Variants in TENM3 observed in about 807,000 individuals in gnomAD.
TENM3 encodes teneurin-3.
Under a neutral mutation model 255.1 loss-of-function variants are expected in TENM3, and 63 were observed. That is an observed-to-expected ratio of 0.25 (90% CI 0.20 to 0.30). The LOEUF (loss-of-function observed/expected upper bound fraction) is 0.30, where lower values mean the gene tolerates loss of function less well. TENM3 is among the 10% of genes least tolerant of loss of function. The pLI is 1.00. For missense variants in TENM3, 2,929 were observed against 3,461.1 expected (o/e 0.85, Z 3.86); for synonymous variants, 1,306 against 1,322.3 (o/e 0.99, Z 0.27).
chr4:182,654,808 G>C (rs1753617795), intron 6 of TENM3, among the ~76,000 whole-genome samples: 1 of 152,140 alleles, frequency 6.6e-6, no homozygotes, highest in South Asian at 2.1e-4. Flanking sequence ...ATATGTTGCT[G>C]TGTCACATGT....
the TENM3 span, among the ~76,000 whole-genome samples, chr4:181,628,088 T>C: frequency 6.6e-6 from 1 of 152,206 alleles, no homozygotes; most frequent in East Asian, 1.9e-4. Flanking sequence ...TGATGGCCAG[T>C]GATGATGAGC....
chr4:182,242,109 G>A (rs1457555521), upstream of TENM3, among the ~76,000 whole-genome samples: 1 of 145,184 alleles, frequency 6.9e-6, no homozygotes, highest in Non-Finnish European at 1.5e-5. Flanking sequence ...TGCACAAGGT[G>A]CAGGTTTGTT....
At chr4:181,688,545 G>T in the TENM3 span, among the ~76,000 whole-genome samples, 3 of 152,068 alleles carry the variant, frequency 2.0e-5, no homozygotes, top group Non-Finnish European at 2.9e-5. Context: ...TTGCAAGTAC[G>T]TGTCATTGTG....
At chr4:182,045,768 G>A in the TENM3 span, among the ~76,000 whole-genome samples, 1 of 152,194 alleles carries the variant, frequency 6.6e-6, no homozygotes, top group Admixed American at 6.5e-5. Flanking sequence ...TAAAACCTAG[G>A]CCGGGCACAG....
the TENM3 span, among the ~76,000 whole-genome samples, chr4:182,100,842 CATATAT>C: frequency 0.075 from 554 of 7,416 alleles, 207 homozygotes; most frequent in South Asian, 0.34. Flanking sequence ...TATATATACT[CATATAT>C]ATATATATAC....
intron 3 of TENM3, among the ~76,000 whole-genome samples, chr4:182,592,529 A>C (rs547129562): frequency 1.3e-5 from 2 of 152,230 alleles, no homozygotes; most frequent in East Asian, 3.9e-4. Context: ...TTCAAGACCA[A>C]CCAGGCCAGC....
the TENM3 span, among the ~76,000 whole-genome samples, chr4:181,448,806 G>GTT: frequency 6.6e-6 from 1 of 151,904 alleles, no homozygotes; most frequent in Admixed American, 6.6e-5. Flanking sequence ...GCAGCTTCAC[G>GTT]TTTTTTTACT....
the TENM3 span, among the ~76,000 whole-genome samples, chr4:182,124,386 C>T: frequency 1.3e-5 from 2 of 151,984 alleles, no homozygotes; most frequent in Non-Finnish European, 2.9e-5. Context: ...GTGGAAATGT[C>T]GAGTAGATAA....
the TENM3 span, among the ~76,000 whole-genome samples, chr4:181,562,738 G>T: frequency 2.6e-5 from 4 of 150,956 alleles, no homozygotes; most frequent in Admixed American, 6.6e-5. Context: ...GCAGTGCCGC[G>T]ATCTCAGCTC....
the TENM3 span, chr4:181,522,852 A>C: frequency 4.1e-6 from 4 of 973,698 alleles, no homozygotes; most frequent in Non-Finnish European, 6.5e-6. Flanking sequence ...GCAGGCTCTA[A>C]AAGCTGGTGT....
At chr4:182,378,042 A>G (rs556438381) in intron 3 of TENM3, among the ~76,000 whole-genome samples, 19 of 152,138 alleles carry the variant, frequency 1.2e-4, no homozygotes, top group Non-Finnish European at 1.9e-4. Context: ...TACGGAGGGA[A>G]GGCAGTTCGC....
At chr4:182,670,234 A>C (rs536870934) in intron 6 of TENM3, among the ~76,000 whole-genome samples, 2 of 152,336 alleles carry the variant, frequency 1.3e-5, no homozygotes, top group South Asian at 4.1e-4. Context: ...TACAGTTTAT[A>C]ATCTAAGAGT....
rs1313703560 is a variant in TENM3 at position 182,775,121 on chromosome 4, G to A, written c.5272G>A (p.Gly1758Arg). 6.2e-7 allele frequency: 1 copy of A among 1,613,900 alleles called. No homozygotes were observed. Among genetic ancestry groups the A allele is most frequent in the Non-Finnish European group, 8.5e-7 (1 of 1,179,902 alleles). ...EWRFRKEQAQGKVNVFGRKLR... is the reference protein window; with the variant it reads ...EWRFRKEQAQRKVNVFGRKLR... ...GAGATTCCGAAAAGAGCAAGCCCAA[G>A]GGAAAGTCAATGTCTTTGGCCGCAA... Residue 1758 changes from glycine (G) to arginine (R), a missense_variant, in exon 24 of 28, where the codon GGG (glycine) becomes AGG (arginine). Physicochemically the swap from Gly to Arg is moderately radical, Grantham distance 125. Coordinates refer to ENST00000511685, the MANE Select transcript of TENM3 (RefSeq NM_001080477.4).
chr4:181,873,518 A>G, the TENM3 span, among the ~76,000 whole-genome samples: 1 of 152,182 alleles, frequency 6.6e-6, no homozygotes, highest in African/African-American at 2.4e-5. Context: ...TGCATCATTT[A>G]GAGGCATGTT....
chr4:182,554,455 A>G (rs1433694941), intron 3 of TENM3, among the ~76,000 whole-genome samples: 2 of 152,198 alleles, frequency 1.3e-5, no homozygotes, highest in Non-Finnish European at 2.9e-5. Flanking sequence ...AGTTTTCTAC[A>G]TGATAGTAAT....
At chr4:181,946,132 A>G in the TENM3 span, among the ~76,000 whole-genome samples, 10 of 152,238 alleles carry the variant, frequency 6.6e-5, no homozygotes, top group African/African-American at 2.4e-4. Context: ...CACCATTATA[A>G]ATGATGATGC....
the TENM3 span, among the ~76,000 whole-genome samples, chr4:181,871,359 T>C: frequency 6.6e-6 from 1 of 152,114 alleles, no homozygotes; most frequent in African/African-American, 2.4e-5. Flanking sequence ...TTTAACAATT[T>C]TGAGTCTTCC....
At chr4:182,551,627 C>T (rs1458076574) in intron 3 of TENM3, among the ~76,000 whole-genome samples, 2 of 152,066 alleles carry the variant, frequency 1.3e-5, no homozygotes, top group Non-Finnish European at 2.9e-5. Context: ...GCCATCATTA[C>T]TATTTCATCT....
chr4:181,740,969 G>A, the TENM3 span, among the ~76,000 whole-genome samples: 1 of 152,110 alleles, frequency 6.6e-6, no homozygotes, highest in Admixed American at 6.6e-5. Flanking sequence ...TATTACCTGT[G>A]AGAAAAGCTG....
Sources: allele counts gnomAD v4.1 joint callset (sites outside exome capture counted in the v4.1 genomes callset), GRCh38; gene constraint gnomAD v4.1.1; transcripts MANE v1.5; gene names NCBI Gene and HGNC (gene_info 2026-07-23, HGNC 2026-07-21).